EPHA5: variants seen among roughly 807,000 people sequenced by gnomAD.
EPHA5 encodes the protein EPH receptor A5, also known as ephrin type-A receptor 5.
Under a neutral mutation model 105.0 loss-of-function variants are expected in EPHA5, and 60 were observed. That is an observed-to-expected ratio of 0.57 (90% CI 0.46 to 0.71). The LOEUF is 0.71. Among genes scored for constraint, EPHA5 ranks in the 30% least tolerant of loss-of-function variants. The pLI, the probability that EPHA5 is intolerant of heterozygous loss-of-function variation, is 0.00. For missense variants in EPHA5, 1,218 were observed against 1,274.7 expected (o/e 0.96, Z 0.68); for synonymous variants, 513 against 449.1 (o/e 1.14, Z -1.80).
At chr4:65,550,292 CTT>C (rs1737774120) in intron 3 of EPHA5, among the ~76,000 whole-genome samples, 1 of 151,936 alleles carries the variant, frequency 6.6e-6, no homozygotes, top group Non-Finnish European at 1.5e-5. Context: ...CCATATTTCT[CTT>C]GATTCTAGTT....
At chr4:65,580,960 T>C (rs572473508) in intron 3 of EPHA5, among the ~76,000 whole-genome samples, 2 of 151,986 alleles carry the variant, frequency 1.3e-5, no homozygotes, top group South Asian at 4.1e-4. Flanking sequence ...TGTAGTGTAA[T>C]TCAGGTTTTC....
At chr4:65,350,942 C>T (rs1235042683) in intron 13 of EPHA5, among the ~76,000 whole-genome samples, 1 of 151,838 alleles carries the variant, frequency 6.6e-6, no homozygotes, top group Non-Finnish European at 1.5e-5. Flanking sequence ...CAAGTAAGGA[C>T]AGTATAATGC....
intron 8 of EPHA5, among the ~76,000 whole-genome samples, chr4:65,376,612 G>T (rs185467683): frequency 1.3e-5 from 2 of 152,078 alleles, no homozygotes; most frequent in Non-Finnish European, 1.5e-5. Flanking sequence ...TCATTCCATG[G>T]TTTTGGGAAA....
chr4:65,388,419 T>C (rs1178775962), intron 8 of EPHA5, among the ~76,000 whole-genome samples: 2 of 151,362 alleles, frequency 1.3e-5, no homozygotes, highest in East Asian at 2.0e-4. Context: ...GTTGAACTAG[T>C]TTACAGTCCC....
At chr4:65,326,014 C>CATATATATATATATATCTCAT (rs35999982) in intron 16 of EPHA5, among the ~76,000 whole-genome samples, 1 of 144,112 alleles carries the variant, frequency 6.9e-6, no homozygotes, top group Non-Finnish European at 1.5e-5. Flanking sequence ...ATATATATCT[C>CATATATATATATATATCTCAT]ATATATATAT....
rs1230963288 is a variant in EPHA5 at position 65,322,056 on chromosome 4, T to C, written c.*2058A>G. 7.5e-5 allele frequency: 17 copies of C among 226,250 alleles called. No individual in the cohort carries two copies. In the East Asian group the frequency reaches 8.9e-4, roughly 12 times the overall value. The allele number at this position is 226,250 out of a possible 1,614,324, so 14.0% of individuals were successfully genotyped here. A position where few individuals can be genotyped will look rare whatever the true frequency, so the allele number is the denominator to read the frequency against. ...ATGCATCTTTAATAATGGTGATGCT[T>C]TTTTATGATTTTATCAAGAAAATAT... On this transcript the variant is annotated 3_prime_UTR_variant, in exon 17 of 17. Coordinates refer to ENST00000613740, the MANE Select transcript of EPHA5 (RefSeq NM_001281766.3).
At chr4:65,567,545 G>A (rs1246656817) in intron 3 of EPHA5, among the ~76,000 whole-genome samples, 1 of 151,542 alleles carries the variant, frequency 6.6e-6, no homozygotes, top group East Asian at 1.9e-4. Context: ...ACAAGTTGGT[G>A]ATAGCCAAAC....
At chr4:65,464,648 A>G (rs1227684495) in intron 5 of EPHA5, among the ~76,000 whole-genome samples, 3 of 152,118 alleles carry the variant, frequency 2.0e-5, no homozygotes, top group African/African-American at 7.2e-5. Context: ...AAACATAGAC[A>G]TGATGACCAA....
intron 5 of EPHA5, among the ~76,000 whole-genome samples, chr4:65,447,638 A>T (rs993373590): frequency 6.6e-6 from 1 of 152,034 alleles, no homozygotes; most frequent in Non-Finnish European, 1.5e-5. Flanking sequence ...ATGCATTCAT[A>T]TCCCATTCCT....
chr4:65,476,193 T>C (rs1167332536), intron 5 of EPHA5, among the ~76,000 whole-genome samples: 3 of 151,626 alleles, frequency 2.0e-5, no homozygotes, highest in Non-Finnish European at 4.4e-5. Flanking sequence ...CTACATTGTA[T>C]ATACTAAATC....
At chr4:65,453,649 A>T (rs957529683) in intron 5 of EPHA5, among the ~76,000 whole-genome samples, 3 of 152,050 alleles carry the variant, frequency 2.0e-5, no homozygotes, top group African/African-American at 7.2e-5. Context: ...CATGTGTACA[A>T]CTCCAGTAAA....
chr4:65,375,076 C>T (rs1175003673), intron 8 of EPHA5, among the ~76,000 whole-genome samples: 1 of 151,802 alleles, frequency 6.6e-6, no homozygotes, highest in African/African-American at 2.4e-5. Context: ...AGCAATAAAG[C>T]ATTTTTAGTC....
Position 65,576,167 on chromosome 4 carries a change from A to AAAGGAAGG in EPHA5, c.910+25466_910+25473dup, listed in dbSNP as rs141356860. Among the ~76,000 whole-genome samples, 13 of 148,066 alleles carry AAAGGAAGG rather than the reference A, an allele frequency of 8.8e-5. 1 individual carries two copies. Among genetic ancestry groups the AAAGGAAGG allele is most frequent in the East Asian group, 4.0e-4 (2 of 4,950 alleles). The stretch of plus-strand genomic sequence containing the variant: ...AGAAAAAGAAAGAGAGAGAGAAAGT[A>AAAGGAAGG]AAGGAAGGAAGGAAGGAAGGAAGGA... On this transcript the variant is annotated intron_variant, in intron 3 of 16. Coordinates refer to ENST00000613740, the MANE Select transcript of EPHA5 (RefSeq NM_001281766.3).
intron 6 of EPHA5, among the ~76,000 whole-genome samples, chr4:65,416,558 T>C (rs1354658586): frequency 6.6e-6 from 1 of 152,140 alleles, no homozygotes; most frequent in Non-Finnish European, 1.5e-5. Flanking sequence ...GTACAATGAA[T>C]ACATTTTGTA....
At chr4:65,465,516 AAAGAAAGAAAGAAAAGAAAGG>A (rs1405543514) in intron 5 of EPHA5, among the ~76,000 whole-genome samples, 2 of 113,554 alleles carry the variant, frequency 1.8e-5, no homozygotes, top group Non-Finnish European at 3.9e-5. Flanking sequence ...AGAAAGAAAG[AAAGAAAGAAAGAAAAGAAAGG>A]AAAGGAAGGA....
intron 2 of EPHA5, among the ~76,000 whole-genome samples, chr4:65,613,244 T>C (rs1744935785): frequency 6.6e-6 from 1 of 152,132 alleles, no homozygotes; most frequent in Admixed American, 6.6e-5. Flanking sequence ...TGTCTATTTT[T>C]ATGCCTGTAT....
At chr4:65,422,156 A>G (rs1229880002) in intron 5 of EPHA5, among the ~76,000 whole-genome samples, 1 of 152,088 alleles carries the variant, frequency 6.6e-6, no homozygotes, top group East Asian at 1.9e-4. Context: ...ATACACTTTA[A>G]AATACTGGTT....
At chr4:65,601,590 A>G in intron 3 of EPHA5, 51 bp downstream of exon 3, 1 of 1,538,570 alleles carries the variant, frequency 6.5e-7, no homozygotes, top group Non-Finnish European at 8.9e-7. Context: ...ATACATATAC[A>G]TGATCCAACT....
intron 15 of EPHA5, among the ~76,000 whole-genome samples, chr4:65,335,115 T>A (rs1281411224): frequency 6.6e-6 from 1 of 152,002 alleles, no homozygotes; most frequent in Non-Finnish European, 1.5e-5. Flanking sequence ...GTTTCTCATT[T>A]AGTCCATGCT....
Sources: allele counts gnomAD v4.1 joint callset (sites outside exome capture counted in the v4.1 genomes callset), GRCh38; gene constraint gnomAD v4.1.1; transcripts MANE v1.5; gene names NCBI Gene and HGNC (gene_info 2026-07-23, HGNC 2026-07-21).